Variants in DAB2IP observed in about 807,000 individuals in gnomAD.
The protein encoded by DAB2IP is disabled homolog 2-interacting protein.
A neutral mutation model predicts 107.2 loss-of-function variants in DAB2IP; 28 were observed. That is an observed-to-expected ratio of 0.26 (90% CI 0.19 to 0.36). DAB2IP has a LOEUF of 0.36. Among genes scored for constraint, DAB2IP ranks in the 10% least tolerant of loss-of-function variants. DAB2IP has a pLI of 1.00. For missense variants in DAB2IP, 1,400 were observed against 1,644.7 expected (o/e 0.85, Z 2.57); for synonymous variants, 755 against 706.4 (o/e 1.07, Z -1.09).
chr9:121,766,238 C>T (rs998539859), intron 8 of DAB2IP, among the ~76,000 whole-genome samples: 13 of 152,298 alleles, frequency 8.5e-5, no homozygotes, highest in Admixed American at 2.6e-4. Flanking sequence ...CCCACCTGCC[C>T]GGCCCTTCAC....
At chr9:121,639,605 G>A (rs1297238152) in intron 1 of DAB2IP, among the ~76,000 whole-genome samples, 3 of 152,188 alleles carry the variant, frequency 2.0e-5, no homozygotes, top group Admixed American at 6.5e-5. Context: ...GAAGCTGGGG[G>A]CCTCACTGTG....
At chr9:121,621,953 C>CA (rs1284052516) in intron 1 of DAB2IP, among the ~76,000 whole-genome samples, 1 of 150,744 alleles carries the variant, frequency 6.6e-6, no homozygotes, top group Non-Finnish European at 1.5e-5. Flanking sequence ...CCATGCCTGA[C>CA]CCTGTTTGTG....
chr9:121,605,857 G>A (rs563635545), intron 1 of DAB2IP, among the ~76,000 whole-genome samples: 4 of 152,260 alleles, frequency 2.6e-5, no homozygotes, highest in African/African-American at 9.6e-5. Context: ...AGGGCCTGTG[G>A]GGGTTATTGG....
At chr9:121,581,607 G>A (rs1439790017) in intron 1 of DAB2IP, among the ~76,000 whole-genome samples, 2 of 152,212 alleles carry the variant, frequency 1.3e-5, no homozygotes, top group Non-Finnish European at 2.9e-5. Context: ...AAGTGACAGA[G>A]TCAGGATTTG....
At chr9:121,759,765 C>A in intron 5 of DAB2IP, 120 bp from the exon 6 acceptor site, 1 of 886,798 alleles carries the variant, frequency 1.1e-6, no homozygotes. Flanking sequence ...CCTAGGCGCC[C>A]GCTGCCGCCT....
At chr9:121,606,193 G>T (rs1461500623) in intron 1 of DAB2IP, among the ~76,000 whole-genome samples, 2 of 150,532 alleles carry the variant, frequency 1.3e-5, no homozygotes, top group Non-Finnish European at 3.0e-5. Context: ...AATACAAAAA[G>T]AAAAAAAAAT....
intron 2 of DAB2IP, among the ~76,000 whole-genome samples, chr9:121,688,328 A>G (rs536937243): frequency 2.6e-5 from 4 of 152,184 alleles, no homozygotes; most frequent in Non-Finnish European, 5.9e-5. Context: ...TTTCTAACAC[A>G]AGGCTCTGCA....
chr9:121,720,793 G>T (rs751233493), intron 3 of DAB2IP, among the ~76,000 whole-genome samples: 4 of 152,188 alleles, frequency 2.6e-5, no homozygotes, highest in Non-Finnish European at 5.9e-5. Flanking sequence ...CCCAGCAGGA[G>T]CAGGGGCCTC....
chr9:121,630,518 C>A (rs1831835583), intron 1 of DAB2IP, among the ~76,000 whole-genome samples: 1 of 131,922 alleles, frequency 7.6e-6, no homozygotes, highest in Admixed American at 7.8e-5. Context: ...GAGCAAGACT[C>A]CATCTCATAA....
exon 12 of DAB2IP, chr9:121,773,267 C>T: frequency 1.3e-6 from 2 of 1,539,714 alleles, no homozygotes; most frequent in African/African-American, 1.4e-5. Context: ...GTGCTGGCCC[C>T]CAGAGGAGGA....
At chr9:121,582,328 C>T (rs1272513661) in intron 1 of DAB2IP, among the ~76,000 whole-genome samples, 1 of 152,122 alleles carries the variant, frequency 6.6e-6, no homozygotes, top group Admixed American at 6.5e-5. Flanking sequence ...GATGAGCAGC[C>T]GGCAGCCCAA....
intron 1 of DAB2IP, among the ~76,000 whole-genome samples, chr9:121,583,114 G>A (rs1830236380): frequency 6.6e-6 from 1 of 152,234 alleles, no homozygotes; most frequent in Non-Finnish European, 1.5e-5. Flanking sequence ...CTGGCCGGCC[G>A]CGGTGGCTCA....
intron 3 of DAB2IP, among the ~76,000 whole-genome samples, chr9:121,750,580 G>A (rs1833045224): frequency 6.6e-6 from 1 of 152,146 alleles, no homozygotes; most frequent in Non-Finnish European, 1.5e-5. Flanking sequence ...GGCCACACAG[G>A]GCAGCTCCCT....
At chr9:121,722,174 T>G (rs902968506) in intron 3 of DAB2IP, among the ~76,000 whole-genome samples, 1 of 152,242 alleles carries the variant, frequency 6.6e-6, no homozygotes, top group Non-Finnish European at 1.5e-5. Context: ...GATCTCTCCG[T>G]TGTCCATGCA....
rs369265149 is a variant in DAB2IP at position 121,776,671 on chromosome 9, C to T, written c.3314+280C>T. On this transcript the variant is annotated intron_variant, in intron 14 of 15. Coordinates refer to ENST00000408936, the Ensembl canonical transcript of DAB2IP. This position sits in a 1 kb window ranked among gnomAD's most constrained non-coding sequence, Gnocchi z 5.4. Reference sequence around the variant, plus strand: ...CCTGAGCCTCTACAAGGAGCCATACCATCTTAGTAAGCACTCTCAGGGGCG... The same window carrying T: ...CCTGAGCCTCTACAAGGAGCCATACTATCTTAGTAAGCACTCTCAGGGGCG... 2.6e-3 allele frequency among the ~76,000 whole-genome samples: 399 copies of T among 152,290 alleles called. 2 individuals carry two copies. Among genetic ancestry groups the T allele is most frequent in the Non-Finnish European group, 4.7e-3 (323 of 68,020 alleles).
chr9:121,601,307 A>T (rs987413986), intron 1 of DAB2IP, among the ~76,000 whole-genome samples: 1 of 152,106 alleles, frequency 6.6e-6, no homozygotes, highest in Non-Finnish European at 1.5e-5. Flanking sequence ...CTATCCCCGC[A>T]TTCTTCCTTC....
intron 10 of DAB2IP, among the ~76,000 whole-genome samples, chr9:121,768,899 G>A (rs1462278961): frequency 1.3e-5 from 2 of 152,238 alleles, no homozygotes; most frequent in African/African-American, 2.4e-5. Context: ...GTGGACAAGC[G>A]CCACTGTGCT....
intron 1 of DAB2IP, among the ~76,000 whole-genome samples, chr9:121,619,363 T>G (rs1176479545): frequency 6.6e-6 from 1 of 152,172 alleles, no homozygotes; most frequent in Non-Finnish European, 1.5e-5. Flanking sequence ...CCCAGGCTGG[T>G]CTTGAACTCC....
intron 6 of DAB2IP, among the ~76,000 whole-genome samples, chr9:121,762,432 C>T (rs926248845): frequency 6.6e-6 from 1 of 152,150 alleles, no homozygotes; most frequent in South Asian, 2.1e-4. Context: ...CCCTGGAGGT[C>T]GCCTGCTGGT....
Sources: gnomAD v4.1 joint callset for allele counts (sites outside exome capture counted in the v4.1 genomes callset) on GRCh38, gnomAD v4.1.1 for gene constraint, Gnocchi (gnomAD v3.1) non-coding constraint, MANE v1.5 for transcripts, NCBI Gene and HGNC (gene_info 2026-07-23, HGNC 2026-07-21) for gene names.